The following DNAI1 variants were observed in gnomAD, a reference collection of about 807,000 sequenced individuals.
DNAI1 encodes the protein dynein axonemal intermediate chain 1, also known as dynein, axonemal, intermediate polypeptide 1.
In DNAI1, 67 loss-of-function variants were observed where a neutral mutation model predicts 92.0. The ratio of observed to expected loss-of-function variants is 0.73; its 90% CI spans 0.60 to 0.89. The LOEUF is 0.89. DNAI1 is among the 40% of genes least tolerant of loss of function. DNAI1 has a pLI of 0.00. For missense variants in DNAI1, 839 were observed against 866.6 expected (o/e 0.97, Z 0.40); for synonymous variants, 323 against 319.6 (o/e 1.01, Z -0.11).
chr9:34,510,778 CT>C (rs1473961895), intron 13 of DNAI1, among the ~76,000 whole-genome samples: 9 of 152,198 alleles, frequency 5.9e-5, no homozygotes, highest in Non-Finnish European at 1.0e-4. Context: ...TTGACACCCC[CT>C]GTCCCCTCCC....
chr9:34,514,782 T>A, intron 18 of DNAI1, 43 bp downstream of exon 18: 2 of 1,599,406 alleles, frequency 1.3e-6, no homozygotes, highest in Non-Finnish European at 1.7e-6. Context: ...CTACTGGAGA[T>A]CAGGTGTGTT....
chr9:34,492,493 G>GATATATATATATATATATATATATAT (rs752863173), intron 8 of DNAI1, among the ~76,000 whole-genome samples: 5 of 68,252 alleles, frequency 7.3e-5, no homozygotes, highest in Admixed American at 1.7e-4. Context: ...GGGATATGAA[G>GATATATATATATATATATATATATAT]ATATATATAT....
chr9:34,477,307 G>A (rs147071485), intron 1 of DNAI1, among the ~76,000 whole-genome samples: 5 of 152,290 alleles, frequency 3.3e-5, no homozygotes, highest in African/African-American at 9.6e-5. Flanking sequence ...ATCATTTGTA[G>A]ATAGTGATTA....
intron 9 of DNAI1, 60 bp downstream of exon 9, chr9:34,493,388 G>T: frequency 6.2e-7 from 1 of 1,609,586 alleles, no homozygotes; most frequent in Non-Finnish European, 8.5e-7. Context: ...TTGGCCTCTG[G>T]GTAGACAGAA....
rs1158678234 is a variant in DNAI1, at chr9:34,477,804, A to G, written c.49-5644A>G. On this transcript the variant is annotated intron_variant, in intron 1 of 19. Coordinates refer to ENST00000242317, the MANE Select transcript of DNAI1 (RefSeq NM_012144.4). Reference sequence around the variant, plus strand: ...GGTGAAAAAAGAACATAATGAGGTCAGTTTTAAAGATATTGAGTTTGAGTA... The same window carrying G: ...GGTGAAAAAAGAACATAATGAGGTCGGTTTTAAAGATATTGAGTTTGAGTA... 1.8e-4 allele frequency among the ~76,000 whole-genome samples: 27 copies of G among 151,954 alleles called. 1 individual carries two copies.
intron 1 of DNAI1, among the ~76,000 whole-genome samples, chr9:34,482,796 G>A (rs531381384): frequency 6.6e-6 from 1 of 152,390 alleles, no homozygotes; most frequent in East Asian, 1.9e-4. Context: ...CGATGGGACT[G>A]GGCGCCGTGG....
chr9:34,513,319 G>A, intron 16 of DNAI1, 128 bp downstream of exon 16: 1 of 765,390 alleles, frequency 1.3e-6, no homozygotes, highest in Non-Finnish European at 2.4e-6. Flanking sequence ...CCTCTTGAGG[G>A]AAGAGAATGT....
chr9:34,491,673 A>G (rs1286237100), intron 8 of DNAI1, 119 bp downstream of exon 8: 4 of 1,079,690 alleles, frequency 3.7e-6, no homozygotes, highest in African/African-American at 1.6e-5. Flanking sequence ...CTCCTCATCT[A>G]CTTGCCTCCC....
chr9:34,491,950 T>C (rs773832228), intron 8 of DNAI1, among the ~76,000 whole-genome samples: 1 of 152,176 alleles, frequency 6.6e-6, no homozygotes, highest in African/African-American at 2.4e-5. Flanking sequence ...CCTTCAGTGT[T>C]CCTGCAGCCC....
intron 1 of DNAI1, among the ~76,000 whole-genome samples, chr9:34,467,481 A>ACACC (rs1824060302): frequency 7.1e-6 from 1 of 140,850 alleles, no homozygotes; most frequent in African/African-American, 2.7e-5. Flanking sequence ...ACACACACAC[A>ACACC]CCACAAATTA....
chr9:34,469,768 C>T (rs1824105424), intron 1 of DNAI1, among the ~76,000 whole-genome samples: 2 of 152,038 alleles, frequency 1.3e-5, no homozygotes, highest in Admixed American at 6.6e-5. Flanking sequence ...TCAGTAGAGA[C>T]AGCGTTTCAC....
chr9:34,460,558 C>T (rs1264708295), intron 1 of DNAI1, among the ~76,000 whole-genome samples: 1 of 139,882 alleles, frequency 7.1e-6, no homozygotes, highest in Non-Finnish European at 1.6e-5. Context: ...ATGAACATGC[C>T]CTAATTTTAT....
chr9:34,480,518 G>A (rs2132052539), intron 1 of DNAI1, among the ~76,000 whole-genome samples: 1 of 152,086 alleles, frequency 6.6e-6, no homozygotes, highest in South Asian at 2.1e-4. Flanking sequence ...CCTCAGGTGA[G>A]CTGCCCACCT....
chr9:34,488,108 G>T (rs760198539), intron 4 of DNAI1: 1 of 396,628 alleles, frequency 2.5e-6, no homozygotes, highest in South Asian at 1.9e-5. Flanking sequence ...CATTAATATT[G>T]AGCATTTATT....
chr9:34,483,235 T>C (rs916503266), intron 1 of DNAI1, among the ~76,000 whole-genome samples: 3 of 152,112 alleles, frequency 2.0e-5, no homozygotes, highest in African/African-American at 7.2e-5. Flanking sequence ...CACAGTGCAG[T>C]GGGGGGCTGA....
chr9:34,510,336 A>G (rs762503229), intron 13 of DNAI1, among the ~76,000 whole-genome samples: 2 of 152,190 alleles, frequency 1.3e-5, no homozygotes, highest in African/African-American at 2.4e-5. Flanking sequence ...TTCAACCAGC[A>G]ACACTCTGTG....
intron 1 of DNAI1, among the ~76,000 whole-genome samples, chr9:34,481,453 A>G (rs1824352576): frequency 6.6e-6 from 1 of 152,168 alleles, no homozygotes; most frequent in African/African-American, 2.4e-5. Flanking sequence ...GCAAAAGAAT[A>G]TGTTGCCTCT....
chr9:34,518,211 C>A (rs976836194), intron 19 of DNAI1, among the ~76,000 whole-genome samples: 2 of 152,190 alleles, frequency 1.3e-5, no homozygotes, highest in African/African-American at 4.8e-5. Context: ...GGTTCTGGGC[C>A]AGGATCAGGA....
At chr9:34,490,545 G>A (rs1824568361) in intron 7 of DNAI1, 57 bp downstream of exon 7, 12 of 1,612,026 alleles carry the variant, frequency 7.4e-6, no homozygotes, top group Non-Finnish European at 9.3e-6. Flanking sequence ...TGGCAGGGAA[G>A]AAGCAGGCCT....
Sources: gnomAD v4.1 joint callset for allele counts (sites outside exome capture counted in the v4.1 genomes callset) on GRCh38, gnomAD v4.1.1 for gene constraint, MANE v1.5 for transcripts, NCBI Gene and HGNC (gene_info 2026-07-23, HGNC 2026-07-21) for gene names.